The following PARVB variants were observed in gnomAD, a reference collection of about 807,000 sequenced individuals.
PARVB encodes beta-parvin.
In PARVB, 46 loss-of-function variants were observed where a neutral mutation model predicts 47.0. That is an observed-to-expected ratio of 0.98 (90% CI 0.77 to 1.25). PARVB has a LOEUF of 1.25. Among genes scored for constraint, PARVB ranks in the 50% most tolerant of loss-of-function variants. The probability of loss-of-function intolerance (pLI) is 0.00; values close to 1 mark genes in which losing one functional copy is unlikely to be tolerated. For synonymous variants in PARVB, 196 were observed against 196.3 expected (o/e 1.00, Z 0.01); for missense variants, 473 against 471.6 (o/e 1.00, Z -0.03).
chr22:44,040,588 T>C (rs556930899), intron 1 of PARVB, among the ~76,000 whole-genome samples: 420 of 152,276 alleles, frequency 2.8e-3, no homozygotes, highest in South Asian at 0.018. Context: ...GAGCAGCCTC[T>C]GAAAGCTGCA....
intron 3 of PARVB, chr22:44,114,395 T>C (rs2052805290): frequency 7.2e-6 from 1 of 139,204 alleles, no homozygotes; most frequent in South Asian, 2.3e-4. Context: ...CACAGATACA[T>C]TGTTACTAAG....
intron 1 of PARVB, chr22:44,031,611 C>A (rs1569062813): frequency 6.6e-6 from 1 of 151,950 alleles, no homozygotes; most frequent in East Asian, 1.9e-4. Context: ...TGGTTACAAA[C>A]CTCCCAGCAG....
At chr22:44,010,641 T>G (rs2050512556) in intron 2 of PARVB, 1 of 152,204 alleles carries the variant, frequency 6.6e-6, no homozygotes, top group South Asian at 2.1e-4. Context: ...TTTTTGGTGG[T>G]ACCATCAGCA....
At chr22:44,136,111 A>G (rs995673541) in intron 6 of PARVB, among the ~76,000 whole-genome samples, 8 of 152,094 alleles carry the variant, frequency 5.3e-5, no homozygotes, top group African/African-American at 1.7e-4. Flanking sequence ...GTTCCTTCCA[A>G]TTGCATGCCT....
At chr22:44,123,768 C>A (rs1391572988) in intron 4 of PARVB, among the ~76,000 whole-genome samples, 1 of 152,030 alleles carries the variant, frequency 6.6e-6, no homozygotes, top group Non-Finnish European at 1.5e-5. Context: ...TGGGCTCAAA[C>A]AATCCACCCA....
At chr22:44,117,492 G>T (rs1569665) in intron 3 of PARVB, among the ~76,000 whole-genome samples, 56,561 of 151,802 alleles carry the variant, frequency 0.37, 10,802 homozygotes, top group Middle Eastern at 0.5. Context: ...CGCAGAGAGA[G>T]CCCGGGGTGG....
intron 7 of PARVB, among the ~76,000 whole-genome samples, chr22:44,136,835 A>G (rs1028294020): frequency 1.3e-5 from 2 of 152,246 alleles, no homozygotes; most frequent in Admixed American, 1.3e-4. Context: ...AGAGAGAACC[A>G]TTGTCTCAGT....
intron 4 of PARVB, among the ~76,000 whole-genome samples, chr22:44,122,778 C>A (rs1482101842): frequency 6.6e-6 from 1 of 152,198 alleles, no homozygotes; most frequent in Non-Finnish European, 1.5e-5. Flanking sequence ...CTTTTACACA[C>A]CCTGCTTGTT....
chr22:44,071,620 C>G (rs1420134381), intron 1 of PARVB, among the ~76,000 whole-genome samples: 1 of 152,180 alleles, frequency 6.6e-6, no homozygotes, highest in African/African-American at 2.4e-5. Flanking sequence ...GAGGCCCTGA[C>G]TGGAATCCCT....
At chr22:44,024,238 C>CGGGAG (rs1569057128), upstream of PARVB, 2 of 488,212 alleles carry the variant, frequency 4.1e-6, no homozygotes, top group Admixed American at 6.5e-5. Context: ...GGGGGCGGGA[C>CGGGAG]CGGGGCGGGG....
chr22:44,108,379 G>A, intron 3 of PARVB: 1 of 152,246 alleles, frequency 6.6e-6, no homozygotes, highest in East Asian at 1.9e-4. Flanking sequence ...TGAGCCCTCA[G>A]CCTGTGGGGT....
chr22:44,076,418 G>A (rs994942985), intron 1 of PARVB, among the ~76,000 whole-genome samples: 2 of 152,214 alleles, frequency 1.3e-5, no homozygotes, highest in East Asian at 1.9e-4. Context: ...TCAGAAATCC[G>A]TTCTCCTCTC....
In PARVB at chr22:44,163,844, C is replaced by G. The variant is rs1465189166; in HGVS notation, c.946-14C>G. 2 of 1,601,256 alleles carry G rather than the reference C, an allele frequency of 1.2e-6. No homozygotes were observed. The highest frequency in any genetic ancestry group is 1.3e-5 in the African/African-American group (1 of 74,566). ...GTTGGACCCTAACGCTGACCCACCCCCCTTCCTTGGCAGGTCCACAATGTG... is the reference window on the plus strand; with the variant it reads ...GTTGGACCCTAACGCTGACCCACCCGCCTTCCTTGGCAGGTCCACAATGTG... On this transcript the variant is annotated splice_polypyrimidine_tract_variant and intron_variant, in intron 11 of 12. Transcript: ENST00000338758.
chr22:44,059,512 G>A (rs1162496866), intron 1 of PARVB, among the ~76,000 whole-genome samples: 1 of 152,184 alleles, frequency 6.6e-6, no homozygotes, highest in Non-Finnish European at 1.5e-5. Context: ...ATTTCATCCT[G>A]TTCCATTTGT....
At chr22:44,042,615 T>C (rs1305764680) in intron 1 of PARVB, among the ~76,000 whole-genome samples, 2 of 152,256 alleles carry the variant, frequency 1.3e-5, no homozygotes, top group Admixed American at 6.5e-5. Context: ...GAGAGTGTTT[T>C]AGTTAAATTT....
chr22:44,150,200 G>GA (rs2053773988), intron 9 of PARVB: 1 of 148,534 alleles, frequency 6.7e-6, no homozygotes, highest in African/African-American at 2.5e-5. Context: ...ACAAAACAAA[G>GA]AAATCATGTC....
At chr22:44,106,138 G>GGTT (rs1287678015) in intron 3 of PARVB, 16 of 69,356 alleles carry the variant, frequency 2.3e-4, no homozygotes, top group African/African-American at 1.1e-3. Flanking sequence ...AGCCAGATGT[G>GGTT]TTTTTTTTTT....
intron 1 of PARVB, among the ~76,000 whole-genome samples, chr22:44,048,019 C>T (rs2051144103): frequency 6.6e-6 from 1 of 152,138 alleles, no homozygotes; most frequent in African/African-American, 2.4e-5. Context: ...GTGAGGTGTG[C>T]TTGGCCATTC....
Position 44,140,717 on chromosome 22 carries a change from G to A in PARVB, c.712+574G>A, listed in dbSNP as rs373021857. The A allele has an allele frequency of 1.5e-3, 618 of 414,640 alleles. 1 individual carries two copies. Among genetic ancestry groups the A allele is most frequent in the Middle Eastern group, 0.011 (13 of 1,228 alleles). The allele number at this position is 414,640 out of a possible 1,614,324, so 25.7% of individuals were successfully genotyped here. A position where few individuals can be genotyped will look rare whatever the true frequency, so the allele number is the denominator to read the frequency against. On this transcript the variant is annotated intron_variant, in intron 8 of 12. Transcript: ENST00000338758. ...TCTCCCCAGGCAGGGGCTGCTGTGA[G>A]TATTGGGTGAGATCACAGGTGAGTG...
Sources: allele counts gnomAD v4.1 joint callset (sites outside exome capture counted in the v4.1 genomes callset), GRCh38; gene constraint gnomAD v4.1.1; transcripts MANE v1.5; gene names NCBI Gene and HGNC (gene_info 2026-07-23, HGNC 2026-07-21).